Variants in DYRK1A observed in about 807,000 individuals in gnomAD.
DYRK1A encodes dual specificity tyrosine phosphorylation regulated kinase 1A.
DYRK1A carries 9 observed loss-of-function variants against 79.7 expected under a neutral mutation model. The ratio of observed to expected loss-of-function variants is 0.11; its 90% CI spans 0.07 to 0.20. DYRK1A has a LOEUF of 0.20. DYRK1A is among the 10% of genes least tolerant of loss of function. The pLI is 1.00. For missense variants in DYRK1A, 622 were observed against 956.0 expected (o/e 0.65, Z 4.61); for synonymous variants, 349 against 329.7 (o/e 1.06, Z -0.63).
At chr21:37,391,208 G>T (rs558373654) in intron 1 of DYRK1A, among the ~76,000 whole-genome samples, 122 of 152,302 alleles carry the variant, frequency 8.0e-4, no homozygotes, top group African/African-American at 2.2e-3. Flanking sequence ...GTTAGTGTGT[G>T]GGCGCTCCTC....
chr21:37,396,135 G>A (rs1252243943), intron 1 of DYRK1A, among the ~76,000 whole-genome samples: 3 of 152,178 alleles, frequency 2.0e-5, no homozygotes, highest in Non-Finnish European at 2.9e-5. Context: ...CTCTAGGAAG[G>A]AGAAGGGGTA....
At chr21:37,467,283 C>T (rs189793213) in intron 2 of DYRK1A, among the ~76,000 whole-genome samples, 1 of 152,278 alleles carries the variant, frequency 6.6e-6, no homozygotes, top group Admixed American at 6.5e-5. Flanking sequence ...GGCTAGAGTG[C>T]AAGTGGTGCA....
chr21:37,395,151 A>G (rs2049937514), intron 1 of DYRK1A, among the ~76,000 whole-genome samples: 1 of 152,216 alleles, frequency 6.6e-6, no homozygotes, highest in Non-Finnish European at 1.5e-5. Context: ...GTGACAGTGG[A>G]AGTTTGTCAG....
At chr21:37,482,294 A>G (rs573387415) in intron 5 of DYRK1A, among the ~76,000 whole-genome samples, 1 of 152,190 alleles carries the variant, frequency 6.6e-6, no homozygotes, top group South Asian at 2.1e-4. Flanking sequence ...GTTCTTTTCT[A>G]TTTTCCCTAA....
At chr21:37,487,972 A>G (rs1249829151) in intron 6 of DYRK1A, 1 of 152,116 alleles carries the variant, frequency 6.6e-6, no homozygotes, top group Non-Finnish European at 1.5e-5. Context: ...TTACACAATG[A>G]TCTCTGAACA....
chr21:37,430,526 A>C, intron 2 of DYRK1A: 237 of 482,510 alleles, frequency 4.9e-4, no homozygotes, highest in Non-Finnish European at 5.7e-4. Flanking sequence ...TGCCCAACTC[A>C]AGAGCCAGAG....
intron 3 of DYRK1A, among the ~76,000 whole-genome samples, chr21:37,474,796 TG>T (rs1339799780): frequency 6.6e-6 from 1 of 152,178 alleles, no homozygotes; most frequent in African/African-American, 2.4e-5. Context: ...AGAGGAAGAC[TG>T]ATGTTTGGAA....
intron 10 of DYRK1A, 121 bp from the exon 11 acceptor site, chr21:37,505,978 A>C: frequency 8.2e-7 from 1 of 1,213,358 alleles, no homozygotes; most frequent in Non-Finnish European, 1.1e-6. Flanking sequence ...AGTTAATATT[A>C]GAGATTTTGT....
chr21:37,509,723 C>T (rs1348416942), intron 11 of DYRK1A, among the ~76,000 whole-genome samples: 2 of 152,234 alleles, frequency 1.3e-5, no homozygotes, highest in East Asian at 3.8e-4. Context: ...TCTTGGCCAC[C>T]GGTCCCCTAT....
intron 1 of DYRK1A, among the ~76,000 whole-genome samples, chr21:37,379,978 T>C (rs142809258): frequency 1.7e-3 from 254 of 152,344 alleles, no homozygotes; most frequent in Non-Finnish European, 3.1e-3. Flanking sequence ...GAATCTTTAA[T>C]AGTTCTTGAG....
chr21:37,459,353 CAGTGAA>C (rs1273756463), intron 2 of DYRK1A, among the ~76,000 whole-genome samples: 1 of 152,158 alleles, frequency 6.6e-6, no homozygotes, highest in Non-Finnish European at 1.5e-5. Context: ...TGAATGACTG[CAGTGAA>C]AGTATGAATC....
chr21:37,410,644 C>G (rs1296221207), intron 1 of DYRK1A: 1 of 152,300 alleles, frequency 6.6e-6, no homozygotes, highest in Non-Finnish European at 1.5e-5. Flanking sequence ...CTTCCCACCT[C>G]AGCCTCCCCA....
chr21:37,454,221 T>C (rs2051559235), intron 2 of DYRK1A, among the ~76,000 whole-genome samples: 1 of 149,800 alleles, frequency 6.7e-6, no homozygotes, highest in African/African-American at 2.5e-5. Flanking sequence ...GCCTGCCAAA[T>C]AGCTGGGACT....
chr21:37,431,742 C>CAA (rs1405341792), intron 2 of DYRK1A, among the ~76,000 whole-genome samples: 1 of 152,176 alleles, frequency 6.6e-6, no homozygotes, highest in African/African-American at 2.4e-5. Flanking sequence ...TGCTTGTTTT[C>CAA]ATATGACGTA....
chr21:37,510,444 G>C (rs559213910), intron 11 of DYRK1A, among the ~76,000 whole-genome samples: 1 of 152,256 alleles, frequency 6.6e-6, no homozygotes, highest in East Asian at 1.9e-4. Context: ...TGCCTTCCTA[G>C]AGCTTACAGT....
intron 2 of DYRK1A, among the ~76,000 whole-genome samples, chr21:37,453,768 A>G (rs1349964646): frequency 6.6e-6 from 1 of 152,180 alleles, no homozygotes; most frequent in Non-Finnish European, 1.5e-5. Context: ...TTAAAGTCTT[A>G]AGGTGTTTCC....
At chr21:37,386,948 T>C (rs2049772713) in intron 1 of DYRK1A, among the ~76,000 whole-genome samples, 1 of 152,170 alleles carries the variant, frequency 6.6e-6, no homozygotes, top group African/African-American at 2.4e-5. Flanking sequence ...AAAGACTCAC[T>C]AGAAAGGGAA....
chr21:37,452,941 C>T (rs1398166503), intron 2 of DYRK1A, among the ~76,000 whole-genome samples: 2 of 152,076 alleles, frequency 1.3e-5, no homozygotes, highest in Non-Finnish European at 2.9e-5. Context: ...CTAGGAGCCA[C>T]ATTTTTAAAA....
At chr21:37,500,932 T>C (rs1462368321) in intron 9 of DYRK1A, among the ~76,000 whole-genome samples, 2 of 150,924 alleles carry the variant, frequency 1.3e-5, no homozygotes, top group African/African-American at 4.8e-5. Context: ...TTGATTTCTT[T>C]TTTTTTTCTT....
Sources: allele counts gnomAD v4.1 joint callset (sites outside exome capture counted in the v4.1 genomes callset), GRCh38; gene constraint gnomAD v4.1.1; transcripts MANE v1.5; gene names NCBI Gene and HGNC (gene_info 2026-07-23, HGNC 2026-07-21).